The following CHD5 variants were observed in gnomAD, a reference collection of about 807,000 sequenced individuals.
CHD5 encodes ATP-dependent chromatin remodeler CHD5.
A neutral mutation model predicts 230.3 loss-of-function variants in CHD5; 69 were observed. The ratio of observed to expected loss-of-function variants is 0.30; its 90% CI spans 0.25 to 0.37. The LOEUF is 0.37. Among genes scored for constraint, CHD5 ranks in the 10% least tolerant of loss-of-function variants. The pLI is 1.00. For synonymous variants in CHD5, 1,064 were observed against 1,065.9 expected (o/e 1.00, Z 0.03); for missense variants, 1,827 against 2,622.8 (o/e 0.70, Z 6.63).
intron 3 of CHD5, among the ~76,000 whole-genome samples, chr1:6,158,301 C>T (rs970431552): frequency 1.3e-5 from 2 of 152,238 alleles, no homozygotes; most frequent in African/African-American, 4.8e-5. Flanking sequence ...TCTGTAGCCG[C>T]TCTGCCCCAC....
intron 38 of CHD5, among the ~76,000 whole-genome samples, chr1:6,107,320 G>C (rs545979626): frequency 7.0e-6 from 1 of 142,244 alleles, no homozygotes; most frequent in Admixed American, 6.9e-5. Context: ...GATGATGAAA[G>C]GATGATGGTT....
At chr1:6,147,431 C>G (rs1448909202) in intron 9 of CHD5, among the ~76,000 whole-genome samples, 1 of 152,220 alleles carries the variant, frequency 6.6e-6, no homozygotes, top group Admixed American at 6.5e-5. Context: ...CCATCTCTGG[C>G]AGCCCACAGA....
At chr1:6,141,545 G>C (rs1042162721) in intron 15 of CHD5, among the ~76,000 whole-genome samples, 1 of 147,854 alleles carries the variant, frequency 6.8e-6, no homozygotes, top group African/African-American at 2.5e-5. Context: ...AGCCCAGGAC[G>C]GGGAGGTTGC....
At position 6,180,053 on chromosome 1, in the gene CHD5, G is replaced by A. The variant is rs1453782434; in HGVS notation, c.-30C>T. On this transcript the variant is annotated 5_prime_UTR_variant, in exon 1 of 42. Transcript: ENST00000262450. ...GGCGCGGGGAGGAGGGGAGGTGGGC[G>A]CCCCCCCTCCCGCCGGGCGCGGTGC... 8 of 1,204,616 alleles carry A rather than the reference G, an allele frequency of 6.6e-6. No homozygotes were observed. Among genetic ancestry groups the A allele is most frequent in the Non-Finnish European group, 8.5e-6 (8 of 942,542 alleles). 74.6% of individuals were successfully genotyped at this position (1,204,616 alleles called of 1,614,324 possible). A position where few individuals can be genotyped will look rare whatever the true frequency, so the allele number is the denominator to read the frequency against.
intron 2 of CHD5, among the ~76,000 whole-genome samples, chr1:6,160,191 C>G (rs1197726252): frequency 1.1e-5 from 1 of 91,518 alleles, no homozygotes; most frequent in Non-Finnish European, 2.0e-5. Context: ...GGGCCCCAGC[C>G]AGAGAAGAAG....
chr1:6,124,911 G>A (rs757290016), intron 29 of CHD5, among the ~76,000 whole-genome samples, 189 bp downstream of exon 29: 7 of 152,204 alleles, frequency 4.6e-5, no homozygotes, highest in Non-Finnish European at 8.8e-5. Context: ...GGGGCGGATG[G>A]TCAGTGTTTG....
chr1:6,111,573 C>CA (rs1666290350), intron 36 of CHD5, among the ~76,000 whole-genome samples: 1 of 151,346 alleles, frequency 6.6e-6, no homozygotes, highest in African/African-American at 2.4e-5. Flanking sequence ...TGGACCCAGA[C>CA]AGAGACACAT....
In CHD5 at chr1:6,135,433, G is replaced by T. The variant is rs2250504; in HGVS notation, c.2697-30C>A. On this transcript the variant is annotated intron_variant, in intron 17 of 41. Coordinates refer to ENST00000262450, the MANE Select transcript of CHD5 (RefSeq NM_015557.3). ...AACAAAAAGCTGGGATAACAGCCAG[G>T]AGCAGAGGACCGGGGCAGGGGAGGC... The T allele has an allele frequency of 2.5e-6, 4 of 1,577,548 alleles. No individual in the cohort carries two copies. The Admixed American group carries it at 6.9e-5, about 27-fold the overall frequency.
Position 6,173,729 on chromosome 1 carries a change from G to A in CHD5, c.80-5452C>T, listed in dbSNP as rs576936369. ...AGGGTCAGGGCGGCAGTGGTGAAGG[G>A]CAGAGGGCAGCGGTCTCTAGTTTGG... On this transcript the variant is annotated intron_variant, in intron 1 of 41. Coordinates refer to ENST00000262450, the MANE Select transcript of CHD5 (RefSeq NM_015557.3). Among the ~76,000 whole-genome samples the A allele has an allele frequency of 2.2e-4, 34 of 152,304 alleles. 1 individual carries two copies. The South Asian group carries it at 6.8e-3, about 31-fold the overall frequency.
chr1:6,127,918 G>A, intron 25 of CHD5, 128 bp downstream of exon 25: 2 of 782,928 alleles, frequency 2.6e-6, no homozygotes, highest in South Asian at 1.7e-5. Context: ...GCTGGAGGGC[G>A]GGGTCACAGC....
chr1:6,155,009 C>G lies in CHD5; in HGVS notation c.507-111G>C. 1.1e-5 allele frequency: 11 copies of G among 970,172 alleles called. No individual in the cohort carries two copies. Among genetic ancestry groups the G allele is most frequent in the Non-Finnish European group, 1.5e-5 (10 of 655,340 alleles). The allele number at this position is 970,172 out of a possible 1,614,324, so 60.1% of individuals were successfully genotyped here. A position where few individuals can be genotyped will look rare whatever the true frequency, so the allele number is the denominator to read the frequency against. On this transcript the variant is annotated intron_variant, in intron 4 of 41. Coordinates refer to ENST00000262450, the MANE Select transcript of CHD5 (RefSeq NM_015557.3). The surrounding 1 kb of genome is among the most constrained non-coding windows in gnomAD (Gnocchi z 4.0). ...CACATGTGCGATCTATGGCAGCAGCCCCAGGTTCCTGATTAGAGAGATTAG... is the reference window on the plus strand; with the variant it reads ...CACATGTGCGATCTATGGCAGCAGCGCCAGGTTCCTGATTAGAGAGATTAG...
rs1399914278 is a variant in CHD5, at chr1:6,143,845, G to A, written c.2021C>T (p.Pro674Leu). Residue 674 changes from proline (P) to leucine (L), a missense_variant, in exon 13 of 42, where the codon CCG becomes CTG. Transcript: ENST00000262450. ...KKLRDDKQEK[P>L]PDTPIVDPTV... ...CACGTCCACAATGGGCGTGTCCGGC[G>A]GCTTCTCCTGCTTGTCGTCCCTCAG... 24 of 1,611,372 alleles carry A rather than the reference G, an allele frequency of 1.5e-5. No homozygotes were observed. Among genetic ancestry groups the A allele is most frequent in the Non-Finnish European group, 1.9e-5 (22 of 1,179,458 alleles).
intron 11 of CHD5, among the ~76,000 whole-genome samples, chr1:6,144,925 T>C (rs998478856): frequency 1.3e-5 from 2 of 152,272 alleles, no homozygotes; most frequent in Admixed American, 1.3e-4. Flanking sequence ...TTGATTGTTT[T>C]GCAGATTGGG....
At position 6,121,991 on chromosome 1, in the gene CHD5, C is replaced by A. The variant is rs1207541881; in HGVS notation, c.4700-418G>T. ...TGCCAAGCCAGCCGCCAACACACTGCAAAGTGCTGGTCACTTACACAGCTC... is the reference window on the plus strand; with the variant it reads ...TGCCAAGCCAGCCGCCAACACACTGAAAAGTGCTGGTCACTTACACAGCTC... On this transcript the variant is annotated intron_variant, in intron 31 of 41. Transcript: ENST00000262450. The surrounding 1 kb of genome is among the most constrained non-coding windows in gnomAD (Gnocchi z 4.5). Among the ~76,000 whole-genome samples the A allele has an allele frequency of 2.0e-5, 3 of 152,236 alleles. No individual in the cohort carries two copies. Among genetic ancestry groups the A allele is most frequent in the Non-Finnish European group, 4.4e-5 (3 of 68,040 alleles).
Position 6,109,980 on chromosome 1 carries a change from T to A in CHD5, c.5393A>T (p.Gln1798Leu). The change falls in exon 38 of 42, where the codon CAG becomes CTG. Residue 1798 changes from glutamine to leucine, a missense_variant. Physicochemically the swap from Gln to Leu is moderately radical, Grantham distance 113. Transcript: ENST00000262450. Reference sequence around the variant, plus strand: ...GAGCTGCTCCTCAATGACCAACGCCTGCTCCAGCAGCTGGGGGCGGGGCGC... The same window carrying A: ...GAGCTGCTCCTCAATGACCAACGCCAGCTCCAGCAGCTGGGGGCGGGGCGC... ...FLARRFKLLE[Q>L]ALVIEEQLRR... 6.5e-7 allele frequency: 1 copy of A among 1,540,882 alleles called. No homozygotes were observed. Among genetic ancestry groups the A allele is most frequent in the Non-Finnish European group, 8.7e-7 (1 of 1,146,178 alleles).
At chr1:6,148,146 C>T (rs72632537) in intron 9 of CHD5, among the ~76,000 whole-genome samples, 9,222 of 152,248 alleles carry the variant, frequency 0.061, 303 homozygotes, top group South Asian at 0.13. Flanking sequence ...GCACACAGGA[C>T]GGCCCAGGGC....
chr1:6,139,395 C>T (rs11121316), intron 15 of CHD5, among the ~76,000 whole-genome samples: 11,600 of 152,088 alleles, frequency 0.076, 683 homozygotes, highest in East Asian at 0.29. Flanking sequence ...CACCACCACG[C>T]CTGGCTAATT....
In CHD5 at chr1:6,156,184, G is replaced by A. The variant is rs574322180; in HGVS notation, c.388-467C>T. ...GGACAGCACAGTGGCCTGAAGACGG[G>A]AAGATGTCCCTGATGAGGCCGCAGG... On this transcript the variant is annotated intron_variant, in intron 3 of 41. Coordinates refer to ENST00000262450, the MANE Select transcript of CHD5 (RefSeq NM_015557.3). 5.9e-5 allele frequency among the ~76,000 whole-genome samples: 9 copies of A among 152,344 alleles called. No individual in the cohort carries two copies. The South Asian group carries it at 1.9e-3, about 32-fold the overall frequency.
chr1:6,145,887 C>T (rs1666901748), intron 11 of CHD5, among the ~76,000 whole-genome samples: 1 of 152,240 alleles, frequency 6.6e-6, no homozygotes, highest in Non-Finnish European at 1.5e-5. Context: ...CATACTCCCA[C>T]ACCTCGGGCG....
Sources: gnomAD v4.1 joint callset for allele counts (sites outside exome capture counted in the v4.1 genomes callset) on GRCh38, gnomAD v4.1.1 for gene constraint, Gnocchi (gnomAD v3.1) non-coding constraint, MANE v1.5 for transcripts, NCBI Gene and HGNC (gene_info 2026-07-23, HGNC 2026-07-21) for gene names.